Variants in KCNMA1 observed in about 807,000 individuals in gnomAD.
KCNMA1 encodes the protein Calcium-activated potassium channel subunit alpha-1.
KCNMA1 carries 29 observed loss-of-function variants against 140.0 expected under a neutral mutation model. The observed-to-expected ratio is 0.21, with a 90% confidence interval of 0.15 to 0.28. KCNMA1 has a LOEUF of 0.28. KCNMA1 is among the 10% of genes least tolerant of loss of function. The probability of loss-of-function intolerance (pLI) is 1.00; values close to 1 mark genes in which losing one functional copy is unlikely to be tolerated. For missense variants in KCNMA1, 880 were observed against 1,602.2 expected, an observed-to-expected ratio of 0.55 and a Z score of 7.70; for synonymous variants, 612 against 611.9, an observed-to-expected ratio of 1.00 and a Z score of 0.00.
At position 77,506,596 on chromosome 10, in the gene KCNMA1, A is replaced by AGAGAGAGAGTGTGTGTGTGTGTGT; in HGVS notation, c.379-102574_379-102573insACACACACACACACACTCTCTCTC. ...TAGAGAGAGAGAGAGAGAGAGAGAG[A>AGAGAGAGAGTGTGTGTGTGTGTGT]GTGTGTGTGTGTGTGTGTGTGTGTT... On this transcript the variant is annotated intron_variant, in intron 1 of 27. Transcript: ENST00000286628. Among the ~76,000 whole-genome samples, 144 of 83,552 alleles carry AGAGAGAGAGTGTGTGTGTGTGTGT rather than the reference A, an allele frequency of 1.7e-3. 8 individuals carry two copies. Among genetic ancestry groups the AGAGAGAGAGTGTGTGTGTGTGTGT allele is most frequent in the African/African-American group, 9.9e-3 (133 of 13,400 alleles). 54.8% of individuals were successfully genotyped at this position (83,552 alleles called of 152,430 possible).
At chr10:77,442,231 C>T (rs1335571056) in intron 1 of KCNMA1, among the ~76,000 whole-genome samples, 3 of 152,162 alleles carry the variant, frequency 2.0e-5, no homozygotes, top group Non-Finnish European at 4.4e-5. Context: ...CATTCCCAGG[C>T]GAGAGCAGCC....
At chr10:77,183,294 A>C in intron 5 of KCNMA1, 127 bp downstream of exon 5, 1 of 726,092 alleles carries the variant, frequency 1.4e-6, no homozygotes, top group South Asian at 1.5e-5. Flanking sequence ...AAACTCCAAG[A>C]GCCCGTTGTT....
chr10:77,073,905 C>T (rs2096296516), intron 13 of KCNMA1, among the ~76,000 whole-genome samples: 1 of 152,178 alleles, frequency 6.6e-6, no homozygotes, highest in African/African-American at 2.4e-5. Flanking sequence ...TGCAAATGGA[C>T]TGGTCCTATT....
At chr10:77,127,655 G>A (rs61867014) in intron 5 of KCNMA1, among the ~76,000 whole-genome samples, 1,229 of 35,970 alleles carry the variant, frequency 0.034, 9 homozygotes, top group Non-Finnish European at 0.046. Context: ...GGCAGGAGGG[G>A]AAAGGGAGAG....
exon 28 of KCNMA1, chr10:76,869,849 C>T (rs185399224): frequency 1.4e-4 from 22 of 152,698 alleles, no homozygotes; most frequent in Admixed American, 7.2e-4. Context: ...GAATAAGCCA[C>T]GCTCTTTTTC....
At chr10:77,241,968 G>A (rs994714976) in intron 3 of KCNMA1, among the ~76,000 whole-genome samples, 12 of 152,234 alleles carry the variant, frequency 7.9e-5, no homozygotes, top group African/African-American at 2.4e-4. Flanking sequence ...ATCACAGCAC[G>A]GAGCTGGAGG....
At chr10:77,210,338 G>C (rs1435279865) in intron 3 of KCNMA1, among the ~76,000 whole-genome samples, 1 of 152,114 alleles carries the variant, frequency 6.6e-6, no homozygotes, top group East Asian at 1.9e-4. Flanking sequence ...AATAGCCTCA[G>C]AAAAAGATTT....
chr10:77,610,374 G>A (rs189742872), intron 1 of KCNMA1, among the ~76,000 whole-genome samples: 79 of 152,344 alleles, frequency 5.2e-4, no homozygotes, highest in African/African-American at 1.9e-3. Context: ...AGAGGGTGCC[G>A]GAGAATCCAG....
intron 2 of KCNMA1, among the ~76,000 whole-genome samples, chr10:77,294,203 G>GT (rs1278033998): frequency 6.6e-6 from 1 of 152,226 alleles, no homozygotes; most frequent in Admixed American, 6.5e-5. Flanking sequence ...AGCCTTTCTA[G>GT]TGAACATGTT....
intron 1 of KCNMA1, among the ~76,000 whole-genome samples, chr10:77,617,205 A>C (rs1283875006): frequency 6.6e-6 from 1 of 152,218 alleles, no homozygotes; most frequent in Non-Finnish European, 1.5e-5. Flanking sequence ...TGCATTTCCA[A>C]GGTGAAGCAC....
chr10:77,426,650 C>A (rs576609235), intron 1 of KCNMA1, among the ~76,000 whole-genome samples: 5 of 152,338 alleles, frequency 3.3e-5, no homozygotes, highest in Admixed American at 6.5e-5. Flanking sequence ...ACTTTCTTGA[C>A]AAATGGTAGG....
chr10:77,198,520 A>G (rs1042515848), intron 3 of KCNMA1, among the ~76,000 whole-genome samples: 1 of 150,472 alleles, frequency 6.6e-6, no homozygotes, highest in African/African-American at 2.4e-5. Flanking sequence ...AGATTCTCAA[A>G]GGTATTTCTT....
At chr10:76,989,280 T>C (rs1015438189) in intron 19 of KCNMA1, among the ~76,000 whole-genome samples, 2 of 152,186 alleles carry the variant, frequency 1.3e-5, no homozygotes, top group African/African-American at 4.8e-5. Context: ...GGTGTGTCCC[T>C]GTGCGCCCAG....
intron 1 of KCNMA1, chr10:77,636,249 T>TC: frequency 7.0e-7 from 1 of 1,436,862 alleles, no homozygotes; most frequent in Non-Finnish European, 9.1e-7. Context: ...CAGTGTCGGG[T>TC]CCCCCACTCC....
At chr10:76,928,035 C>T (rs75064619) in intron 23 of KCNMA1, among the ~76,000 whole-genome samples, 5,928 of 152,116 alleles carry the variant, frequency 0.039, 353 homozygotes, top group African/African-American at 0.12. Flanking sequence ...CACATTAAGA[C>T]CCTGGATCAC....
At chr10:77,372,696 C>T (rs192785963) in intron 2 of KCNMA1, among the ~76,000 whole-genome samples, 1 of 152,234 alleles carries the variant, frequency 6.6e-6, no homozygotes, top group East Asian at 1.9e-4. Context: ...CATAACTGGA[C>T]ATAATTAGTC....
At chr10:76,898,596 T>C (rs1417531666) in intron 25 of KCNMA1, among the ~76,000 whole-genome samples, 1 of 151,890 alleles carries the variant, frequency 6.6e-6, no homozygotes, top group Non-Finnish European at 1.5e-5. Flanking sequence ...TTTTAAAAAT[T>C]AAATACAATG....
At chr10:76,894,629 C>T (rs2041709993) in intron 25 of KCNMA1, among the ~76,000 whole-genome samples, 1 of 152,078 alleles carries the variant, frequency 6.6e-6, no homozygotes, top group African/African-American at 2.4e-5. Context: ...TATAACTCAA[C>T]CAAAAAAGAC....
chr10:77,296,118 T>A (rs939478514), intron 2 of KCNMA1, among the ~76,000 whole-genome samples: 2 of 152,120 alleles, frequency 1.3e-5, no homozygotes, highest in African/African-American at 4.8e-5. Flanking sequence ...GGTTTGCTGG[T>A]GTGATTAAGT....
Sources: allele counts gnomAD v4.1 joint callset (sites outside exome capture counted in the v4.1 genomes callset), GRCh38; gene constraint gnomAD v4.1.1; transcripts MANE v1.5; gene names NCBI Gene and HGNC (gene_info 2026-07-23, HGNC 2026-07-21).